MED13L: variants seen among roughly 807,000 people sequenced by gnomAD.
MED13L encodes mediator of RNA polymerase II transcription subunit 13-like.
In MED13L, 7 loss-of-function variants were observed where a neutral mutation model predicts 220.9. The observed-to-expected ratio is 0.03, with a 90% CI of 0.02 to 0.06. The LOEUF (loss-of-function observed/expected upper bound fraction) is 0.06, where lower values mean the gene tolerates loss of function less well. Ranked by LOEUF, MED13L falls within the 10% of genes least tolerant of loss-of-function variation. The pLI is 1.00. For missense variants in MED13L, 1,965 were observed against 2,760.5 expected (o/e 0.71, Z 6.46); for synonymous variants, 1,011 against 1,015.2 (o/e 1.00, Z 0.08).
chr12:116,058,602 G>A (rs1333075077), intron 4 of MED13L, among the ~76,000 whole-genome samples: 3 of 152,058 alleles, frequency 2.0e-5, no homozygotes, highest in East Asian at 1.9e-4. Flanking sequence ...CCCACAATAC[G>A]TTTTTGAAGA....
In MED13L at chr12:115,969,245, CCTA is replaced by C. The variant is rs570433186; in HGVS notation, c.6068-151_6068-149del. 601 of 858,888 alleles carry C rather than the reference CCTA, an allele frequency of 7.0e-4. 3 individuals are homozygous for C. The highest frequency in any genetic ancestry group is 7.2e-4 in the Non-Finnish European group (389 of 541,980). The allele number at this position is 858,888 out of a possible 1,614,324, so 53.2% of individuals were successfully genotyped here. On this transcript the variant is annotated intron_variant, in intron 27 of 30. Coordinates refer to ENST00000281928, the MANE Select transcript of MED13L (RefSeq NM_015335.5). ...GTTAATAACTTAGATTCAGTTAGGA[CCTA>C]CTGAGTGCAAGCTATTACAAATTAT...
chr12:116,276,626 G>T, intron 1 of MED13L: 1 of 1,198,132 alleles, frequency 8.3e-7, no homozygotes, highest in Non-Finnish European at 1.1e-6. Context: ...AAGGCAGGCG[G>T]GCGGGCAGGC....
At chr12:116,183,902 A>G (rs1880710648) in intron 2 of MED13L, among the ~76,000 whole-genome samples, 1 of 151,906 alleles carries the variant, frequency 6.6e-6, no homozygotes, top group Non-Finnish European at 1.5e-5. Flanking sequence ...TGACAAATAG[A>G]TGACTGTCTT....
rs887120168 is a variant in MED13L at position 116,006,530 on chromosome 12, A to C, written c.2239-119T>G. The C allele has an allele frequency of 7.3e-6, 6 of 822,724 alleles. No homozygotes were observed. In the African/African-American group the frequency reaches 1.0e-4, roughly 14 times the overall value. 51.0% of individuals were successfully genotyped at this position (822,724 alleles called of 1,614,324 possible). On this transcript the variant is annotated intron_variant, in intron 11 of 30. Transcript: ENST00000281928. Reference sequence around the variant, plus strand: ...ACTTGTTATGAGCACAAGTATGATAAACCATGGTCTATGCAACCAAAGGAA... The same window carrying C: ...ACTTGTTATGAGCACAAGTATGATACACCATGGTCTATGCAACCAAAGGAA...
intron 4 of MED13L, among the ~76,000 whole-genome samples, chr12:116,042,694 A>T (rs1423272967): frequency 6.6e-6 from 1 of 152,226 alleles, no homozygotes; most frequent in Non-Finnish European, 1.5e-5. Context: ...TGTTTATAAA[A>T]GCAGCAATAT....
chr12:116,178,018 G>A (rs184109280), intron 2 of MED13L, among the ~76,000 whole-genome samples: 39 of 152,098 alleles, frequency 2.6e-4, no homozygotes, highest in African/African-American at 7.2e-4. Context: ...CCAATACCCC[G>A]CTTTTTTGTT....
At chr12:116,063,539 C>A (rs930698939) in intron 4 of MED13L, among the ~76,000 whole-genome samples, 8 of 151,968 alleles carry the variant, frequency 5.3e-5, no homozygotes, top group African/African-American at 1.4e-4. Context: ...CAAACCAAAT[C>A]AAAAAGCATT....
At chr12:116,034,649 A>G (rs1257795896) in intron 4 of MED13L, among the ~76,000 whole-genome samples, 6 of 152,030 alleles carry the variant, frequency 3.9e-5, no homozygotes, top group African/African-American at 1.4e-4. Context: ...TTCTCATATT[A>G]CCTCTTCCCA....
At chr12:116,246,862 GT>G (rs1871143214) in intron 1 of MED13L, among the ~76,000 whole-genome samples, 1 of 86,446 alleles carries the variant, frequency 1.2e-5, no homozygotes, top group Non-Finnish European at 2.4e-5. Context: ...AGGTGGGGAG[GT>G]GGGGAGAGGA....
intron 4 of MED13L, among the ~76,000 whole-genome samples, chr12:116,062,357 T>C (rs961048882): frequency 1.3e-5 from 2 of 152,098 alleles, no homozygotes; most frequent in African/African-American, 4.8e-5. Context: ...TTTCACCATG[T>C]TGGCCAGGCT....
Position 116,237,647 on chromosome 12 carries a change from C to T in MED13L, c.131G>A (p.Gly44Glu), listed in dbSNP as rs777210650. The T allele has an allele frequency of 1.1e-5, 18 of 1,614,162 alleles. No homozygotes were observed. Among genetic ancestry groups the T allele is most frequent in the Non-Finnish European group, 1.4e-5 (17 of 1,180,022 alleles). The change falls in exon 2 of 31, where the codon GGA becomes GAA. Residue 44 changes from glycine to glutamate, a missense_variant. Around this residue, in one of 10 missense-constraint regions of MED13L, gnomAD observed 818 missense variants for 1,041.2 expected, o/e 0.79. Transcript: ENST00000281928. Reference sequence around the variant, plus strand: ...TTGGGCTGGGGCTGAAATTATGGGTCCACAGTCCCCATGCCCTCCAAAATT... The same window carrying T: ...TTGGGCTGGGGCTGAAATTATGGGTTCACAGTCCCCATGCCCTCCAAAATT... ...RYNFGGHGDC[G>E]PIISAPAQDD...
intron 2 of MED13L, among the ~76,000 whole-genome samples, chr12:116,172,658 T>TA (rs1338711204): frequency 6.6e-5 from 10 of 152,150 alleles, no homozygotes; most frequent in Admixed American, 2.6e-4. Flanking sequence ...CTTTGCCACT[T>TA]AAAAATGAGT....
intron 4 of MED13L, among the ~76,000 whole-genome samples, chr12:116,049,804 T>C (rs886969592): frequency 1.3e-5 from 2 of 152,168 alleles, no homozygotes; most frequent in African/African-American, 2.4e-5. Context: ...TAAAAACATC[T>C]GAGGACTACA....
chr12:116,204,018 AG>A (rs1882165766), intron 2 of MED13L, among the ~76,000 whole-genome samples: 1 of 152,208 alleles, frequency 6.6e-6, no homozygotes, highest in African/African-American at 2.4e-5. Context: ...TATCTGCAAA[AG>A]TGGGACTTTC....
chr12:116,237,281 AG>A (rs1010397537), intron 2 of MED13L, among the ~76,000 whole-genome samples, 186 bp downstream of exon 2: 1 of 152,208 alleles, frequency 6.6e-6, no homozygotes, highest in Non-Finnish European at 1.5e-5. Context: ...TAACTGGAAA[AG>A]GACAAGAGTT....
intron 8 of MED13L, 40 bp downstream of exon 8, chr12:116,015,069 G>T (rs766441102): frequency 3.3e-5 from 53 of 1,584,384 alleles, no homozygotes; most frequent in Non-Finnish European, 4.2e-5. Context: ...CAAGGAGATG[G>T]TTACTAAACT....
chr12:115,979,451 A>C (rs1348904560), intron 23 of MED13L, among the ~76,000 whole-genome samples: 2 of 152,248 alleles, frequency 1.3e-5, no homozygotes, highest in Non-Finnish European at 2.9e-5. Context: ...TGAAAAATTC[A>C]AACTCAAAGA....
intron 2 of MED13L, among the ~76,000 whole-genome samples, chr12:116,227,987 A>T (rs1327531428): frequency 6.6e-6 from 1 of 152,224 alleles, no homozygotes; most frequent in Non-Finnish European, 1.5e-5. Context: ...CAGCAAACAC[A>T]TGAATGATAA....
chr12:116,044,228 T>G (rs1011540725), intron 4 of MED13L, among the ~76,000 whole-genome samples: 1 of 152,128 alleles, frequency 6.6e-6, no homozygotes, highest in African/African-American at 2.4e-5. Context: ...AAAGCCAACT[T>G]AAGCACTTTT....
Sources: allele counts gnomAD v4.1 joint callset (sites outside exome capture counted in the v4.1 genomes callset), GRCh38; gene constraint gnomAD v4.1.1; regional missense constraint gnomAD v4.1.1; transcripts MANE v1.5; gene names NCBI Gene and HGNC (gene_info 2026-07-23, HGNC 2026-07-21).